The following ANKRD45 variants were observed in gnomAD, a reference collection of about 807,000 sequenced individuals.
ANKRD45 encodes the protein ankyrin repeat domain 45.
Under a neutral mutation model 28.1 loss-of-function variants are expected in ANKRD45, and 21 were observed. The observed-to-expected ratio is 0.75, with a 90% CI of 0.53 to 1.08. ANKRD45 has a LOEUF of 1.08. ANKRD45 is among the 50% of genes least tolerant of loss of function. ANKRD45 has a pLI of 0.00. For synonymous variants in ANKRD45, 86 were observed against 103.9 expected (o/e 0.83, Z 1.05); for missense variants, 261 against 308.7 (o/e 0.85, Z 1.16).
the ANKRD45 span, among the ~76,000 whole-genome samples, chr1:173,691,320 C>T: frequency 3.3e-5 from 5 of 152,122 alleles, no homozygotes; most frequent in South Asian, 2.1e-4. Flanking sequence ...CCCCTGAGGC[C>T]GCCAGAAGGG....
At chr1:173,694,919 G>T in the ANKRD45 span, among the ~76,000 whole-genome samples, 1 of 152,052 alleles carries the variant, frequency 6.6e-6, no homozygotes, top group African/African-American at 2.4e-5. Flanking sequence ...CAATTACACA[G>T]AAAACAACAG....
Position 173,608,842 on chromosome 1 carries a change from G to GGGGAGGGGAGCGGAGAGGAA in ANKRD45, c.*1302_*1303insTTCCTCTCCGCTCCCCTCCC, listed in dbSNP as rs1667028382. ...AGAGGAGGAGGAGAGAGAAGAGGAGGGGGAGGGGAGGGGAGAGGAAGGGAG... is the reference window on the plus strand; with the variant it reads ...AGAGGAGGAGGAGAGAGAAGAGGAGGGGGAGGGGAGCGGAGAGGAAGGGAGGGGAGGGGAGAGGAAGGGAG... On this transcript the variant is annotated 3_prime_UTR_variant, in exon 6 of 6. Transcript: ENST00000333279. Among the ~76,000 whole-genome samples, 1 of 104,706 alleles carries GGGGAGGGGAGCGGAGAGGAA rather than the reference G, an allele frequency of 9.6e-6. No individual in the cohort carries two copies. The highest frequency in any genetic ancestry group is 5.7e-5 in the African/African-American group (1 of 17,566). The allele number at this position is 104,706 out of a possible 152,430, so 68.7% of individuals were successfully genotyped here.
chr1:173,608,820 G>A lies in ANKRD45; in HGVS notation c.*1325C>T, dbSNP rs376105490. Among the ~76,000 whole-genome samples the A allele has an allele frequency of 2.3e-5, 3 of 133,088 alleles. No homozygotes were observed. 87.3% of individuals were successfully genotyped at this position (133,088 alleles called of 152,430 possible). On this transcript the variant is annotated 3_prime_UTR_variant, in exon 6 of 6. Transcript: ENST00000333279. ...AGAAGAAGGAGTTGGAGAGGGAAGA[G>A]GAGGAGGAGAGAGAAGAGGAGGGGG...
chr1:173,680,499 T>C, the ANKRD45 span, among the ~76,000 whole-genome samples: 3 of 151,818 alleles, frequency 2.0e-5, no homozygotes, highest in African/African-American at 7.3e-5. Flanking sequence ...TGAGAACACA[T>C]GGACACAGAG....
chr1:173,613,568 C>CCCA lies in ANKRD45; in HGVS notation c.731-3354_731-3353insTGG, dbSNP rs1553264331. 2.8e-5 allele frequency among the ~76,000 whole-genome samples: 4 copies of CCCA among 141,862 alleles called. 1 individual carries two copies. The highest frequency in any genetic ancestry group is 1.2e-4 in the African/African-American group (4 of 33,646). 93.1% of individuals were successfully genotyped at this position (141,862 alleles called of 152,430 possible). A position where few individuals can be genotyped will look rare whatever the true frequency, so the allele number is the denominator to read the frequency against. On this transcript the variant is annotated intron_variant, in intron 5 of 5. Transcript: ENST00000333279. The stretch of plus-strand genomic sequence containing the variant: ...GGAGGGAGGTGGGGGGTCAGCCCCC[C>CCCA]CCCCGGCCAGCCGCCCCGTCCGGGA...
At chr1:173,694,290 A>G in the ANKRD45 span, among the ~76,000 whole-genome samples, 1 of 151,988 alleles carries the variant, frequency 6.6e-6, no homozygotes, top group Non-Finnish European at 1.5e-5. Context: ...CAGCCTCCCA[A>G]GTAGCTGGGA....
intron 3 of ANKRD45, among the ~76,000 whole-genome samples, chr1:173,632,036 G>A (rs1331616132): frequency 6.6e-6 from 1 of 151,462 alleles, no homozygotes. Context: ...AAATTCAAAA[G>A]ATCAATGAAA....
intron 3 of ANKRD45, among the ~76,000 whole-genome samples, chr1:173,630,560 A>C (rs1193902089): frequency 6.6e-6 from 1 of 150,870 alleles, no homozygotes; most frequent in Non-Finnish European, 1.5e-5. Context: ...CAAAAAACAT[A>C]CAACAAAGCT....
At chr1:173,675,331 G>A in the ANKRD45 span, 1 of 350,844 alleles carries the variant, frequency 2.9e-6, no homozygotes, top group Non-Finnish European at 5.6e-6. Context: ...TTAGAATTCA[G>A]GCCAGTCACG....
chr1:173,693,514 A>G, the ANKRD45 span, among the ~76,000 whole-genome samples: 2 of 152,240 alleles, frequency 1.3e-5, no homozygotes, highest in African/African-American at 4.8e-5. Context: ...CTTTAAAGCC[A>G]GATTAAATCA....
At chr1:173,687,401 A>G in the ANKRD45 span, among the ~76,000 whole-genome samples, 1 of 151,666 alleles carries the variant, frequency 6.6e-6, no homozygotes, top group Non-Finnish European at 1.5e-5. Context: ...CAACCAGTTA[A>G]TTTATTTTAG....
chr1:173,650,300 C>T (rs1227952956), intron 2 of ANKRD45, among the ~76,000 whole-genome samples: 2 of 152,176 alleles, frequency 1.3e-5, no homozygotes, highest in African/African-American at 4.8e-5. Flanking sequence ...GTTCCCCACC[C>T]TGTGTCCAAG....
chr1:173,707,853 T>C, the ANKRD45 span, among the ~76,000 whole-genome samples: 5 of 152,220 alleles, frequency 3.3e-5, 1 homozygote, highest in Admixed American at 3.3e-4. Context: ...TAACTCATTA[T>C]ATAAGGAAAT....
chr1:173,655,521 G>T (rs916872030), intron 2 of ANKRD45, among the ~76,000 whole-genome samples: 7 of 152,222 alleles, frequency 4.6e-5, no homozygotes, highest in Admixed American at 1.3e-4. Context: ...TGTATGAGGT[G>T]TCAGTCGGCC....
chr1:173,609,007 TAA>T lies in ANKRD45; in HGVS notation c.*1136_*1137del, dbSNP rs1218839619. ...GAAAAGGGAGAAGGGAGAAGGAGGG[TAA>T]AAAAAAAAAAGGAGCAAACACAGGT... On this transcript the variant is annotated 3_prime_UTR_variant, in exon 6 of 6. Coordinates refer to ENST00000333279, the MANE Select transcript of ANKRD45 (RefSeq NM_198493.3). Among the ~76,000 whole-genome samples the T allele has an allele frequency of 1.6e-4, 19 of 120,152 alleles. No homozygotes were observed. Among genetic ancestry groups the T allele is most frequent in the Admixed American group, 2.5e-4 (3 of 12,118 alleles). 78.8% of individuals were successfully genotyped at this position (120,152 alleles called of 152,430 possible).
intron 2 of ANKRD45, among the ~76,000 whole-genome samples, chr1:173,648,745 T>C (rs573251792): frequency 2.6e-5 from 4 of 152,360 alleles, no homozygotes; most frequent in Non-Finnish European, 5.9e-5. Context: ...GCAATATTCA[T>C]GTCAACCAGT....
the ANKRD45 span, among the ~76,000 whole-genome samples, chr1:173,705,149 T>G: frequency 1.3e-5 from 2 of 152,082 alleles, no homozygotes; most frequent in Non-Finnish European, 2.9e-5. Context: ...TAGCATCCGG[T>G]GGATTGTGTC....
chr1:173,688,451 TCTACCTCTTC>T, the ANKRD45 span, among the ~76,000 whole-genome samples: 1 of 146,470 alleles, frequency 6.8e-6, no homozygotes, highest in Non-Finnish European at 1.5e-5. Context: ...TGCCTCTTCC[TCTACCTCTTC>T]CTCTCTCTAC....
chr1:173,610,465 CTT>C (rs1461891829), intron 5 of ANKRD45, among the ~76,000 whole-genome samples: 1 of 152,210 alleles, frequency 6.6e-6, no homozygotes, highest in Non-Finnish European at 1.5e-5. Flanking sequence ...ATGAGAGTAA[CTT>C]TGAATAAACC....
Sources: gnomAD v4.1 joint callset for allele counts (sites outside exome capture counted in the v4.1 genomes callset) on GRCh38, gnomAD v4.1.1 for gene constraint, MANE v1.5 for transcripts, NCBI Gene and HGNC (gene_info 2026-07-23, HGNC 2026-07-21) for gene names.